The following KIAA1217 variants were observed in gnomAD, a reference collection of about 807,000 sequenced individuals.
KIAA1217 encodes the protein sickle tail protein homolog.
A neutral mutation model predicts 163.9 loss-of-function variants in KIAA1217; 88 were observed. The ratio of observed to expected loss-of-function variants is 0.54; its 90% CI spans 0.45 to 0.64. The LOEUF (loss-of-function observed/expected upper bound fraction) is 0.64. Among genes scored for constraint, KIAA1217 ranks in the 30% least tolerant of loss-of-function variants. The pLI is 0.00. For missense variants in KIAA1217, 2,372 were observed against 2,475.0 expected (o/e 0.96, Z 0.88); for synonymous variants, 903 against 923.1 (o/e 0.98, Z 0.39).
At chr10:23,717,760 G>C (rs1269709971) in intron 1 of KIAA1217, among the ~76,000 whole-genome samples, 2 of 152,122 alleles carry the variant, frequency 1.3e-5, no homozygotes, top group Non-Finnish European at 2.9e-5. Flanking sequence ...TTGGCAACAT[G>C]AGCCTCAGAC....
intron 2 of KIAA1217, among the ~76,000 whole-genome samples, chr10:24,318,512 A>G (rs1347803888): frequency 1.3e-5 from 2 of 152,098 alleles, no homozygotes; most frequent in Non-Finnish European, 2.9e-5. Context: ...TGGATTTGCC[A>G]TCCCCCACAA....
chr10:24,459,834 G>A (rs1305963531), intron 5 of KIAA1217, among the ~76,000 whole-genome samples: 1 of 152,202 alleles, frequency 6.6e-6, no homozygotes, highest in East Asian at 1.9e-4. Context: ...AGGAGGCTGA[G>A]GTGGGAGGAT....
chr10:23,798,298 A>C (rs1836303355), intron 1 of KIAA1217, among the ~76,000 whole-genome samples: 1 of 151,968 alleles, frequency 6.6e-6, no homozygotes, highest in Non-Finnish European at 1.5e-5. Flanking sequence ...GTCCATTTTA[A>C]ATCTTCTTCA....
intron 2 of KIAA1217, among the ~76,000 whole-genome samples, chr10:24,288,751 A>G (rs143337029): frequency 6.6e-6 from 1 of 152,348 alleles, no homozygotes; most frequent in Non-Finnish European, 1.5e-5. Context: ...TGTCCTGTGC[A>G]GAGTTTAATG....
intron 1 of KIAA1217, among the ~76,000 whole-genome samples, chr10:23,885,714 G>A (rs868545517): frequency 7.2e-5 from 11 of 151,884 alleles, no homozygotes; most frequent in Admixed American, 1.3e-4. Flanking sequence ...ACACACAGTT[G>A]AGCCAGGGAC....
intron 1 of KIAA1217, among the ~76,000 whole-genome samples, chr10:23,915,798 G>C (rs1842614652): frequency 1.3e-5 from 2 of 152,282 alleles, no homozygotes; most frequent in East Asian, 3.9e-4. Flanking sequence ...GAAAGTTTGG[G>C]CAGAGAGGAA....
At chr10:23,929,674 A>G (rs1427599090) in intron 1 of KIAA1217, among the ~76,000 whole-genome samples, 2 of 152,126 alleles carry the variant, frequency 1.3e-5, no homozygotes, top group Admixed American at 6.6e-5. Flanking sequence ...CGTAGTATCC[A>G]TGAGGTATAT....
chr10:23,852,827 G>T (rs903644126), intron 1 of KIAA1217, among the ~76,000 whole-genome samples: 7 of 152,096 alleles, frequency 4.6e-5, no homozygotes, highest in African/African-American at 7.2e-5. Flanking sequence ...GTCTGTTGCT[G>T]GTGTATAAGA....
chr10:24,524,544 T>G lies in KIAA1217; in HGVS notation c.2678T>G (p.Val893Gly), dbSNP rs2071795156. 1.2e-6 allele frequency: 2 copies of G among 1,613,982 alleles called. No homozygotes were observed. Among genetic ancestry groups the G allele is most frequent in the South Asian group, 1.1e-5 (1 of 91,082 alleles). The change falls in exon 13 of 21, where the codon GTC becomes GGC. Residue 893 changes from valine (V) to glycine (G), a missense_variant. By Grantham distance (109) the Val-to-Gly change is moderately radical. Around this residue, in one of 3 missense-constraint regions of KIAA1217, gnomAD observed 1,431 missense variants for 1,470.3 expected, o/e 0.97. Transcript: ENST00000376454. ...MVRHAQSSPV[V>G]IQPSQHSVAL... ...CGCCACGCGCAGAGCTCCCCTGTGGTCATCCAGCCCTCCCAGCACTCCGTG... is the reference window on the plus strand; with the variant it reads ...CGCCACGCGCAGAGCTCCCCTGTGGGCATCCAGCCCTCCCAGCACTCCGTG...
chr10:23,951,014 C>A (rs74124803), intron 1 of KIAA1217, among the ~76,000 whole-genome samples: 2,555 of 152,254 alleles, frequency 0.017, 76 homozygotes, highest in African/African-American at 0.056. Context: ...TGAGACACTG[C>A]CCTTCTCTTA....
chr10:23,881,044 T>TG (rs1025158999), intron 1 of KIAA1217, among the ~76,000 whole-genome samples: 1 of 151,064 alleles, frequency 6.6e-6, no homozygotes, highest in South Asian at 2.1e-4. Flanking sequence ...TATACTAGCC[T>TG]GGGGGGAAAG....
intron 1 of KIAA1217, among the ~76,000 whole-genome samples, chr10:23,791,243 T>C (rs1247909880): frequency 1.3e-5 from 2 of 152,186 alleles, no homozygotes; most frequent in Non-Finnish European, 2.9e-5. Flanking sequence ...AAACTTTGTA[T>C]AATGAAAAAT....
chr10:23,894,612 A>G lies in KIAA1217; in HGVS notation c.-320-112613A>G, dbSNP rs1202080846. On this transcript the variant is annotated intron_variant, in intron 1 of 18. Transcript: ENST00000376462. Reference sequence around the variant, plus strand: ...TGCCATCCCCATCAAGCTACCAATGACTTTCTTCACAGAATTGGAAAAATC... The same window carrying G: ...TGCCATCCCCATCAAGCTACCAATGGCTTTCTTCACAGAATTGGAAAAATC... Among the ~76,000 whole-genome samples, 3 of 150,566 alleles carry G rather than the reference A, an allele frequency of 2.0e-5. No homozygotes were observed. The East Asian group carries it at 5.8e-4, about 29-fold the overall frequency.
chr10:23,821,672 A>G (rs1210185459), intron 1 of KIAA1217, among the ~76,000 whole-genome samples: 1 of 152,228 alleles, frequency 6.6e-6, no homozygotes, highest in African/African-American at 2.4e-5. Context: ...GCTCCACAAC[A>G]AATACAAAAA....
At chr10:24,222,511 T>C (rs2069797196) in intron 2 of KIAA1217, among the ~76,000 whole-genome samples, 1 of 152,240 alleles carries the variant, frequency 6.6e-6, no homozygotes. Flanking sequence ...TTTTTGTTTT[T>C]TGAGATGGAG....
chr10:24,110,517 A>G (rs533578051), intron 2 of KIAA1217, among the ~76,000 whole-genome samples: 2 of 152,050 alleles, frequency 1.3e-5, no homozygotes, highest in East Asian at 3.9e-4. Context: ...AGAAAAATGT[A>G]TTCAGATTAA....
intron 1 of KIAA1217, among the ~76,000 whole-genome samples, chr10:23,887,050 G>A (rs1295490361): frequency 6.6e-6 from 1 of 151,674 alleles, no homozygotes; most frequent in Non-Finnish European, 1.5e-5. Context: ...TACTTAGTAG[G>A]GAAACAGAAT....
chr10:24,485,596 GCTTTTA>G (rs1198453342), intron 6 of KIAA1217, among the ~76,000 whole-genome samples: 3 of 152,162 alleles, frequency 2.0e-5, no homozygotes, highest in Non-Finnish European at 4.4e-5. Flanking sequence ...CAAGCCCTGT[GCTTTTA>G]CCACCATATC....
intron 1 of KIAA1217, among the ~76,000 whole-genome samples, chr10:23,883,384 A>C (rs1841036017): frequency 6.6e-6 from 1 of 151,968 alleles, no homozygotes; most frequent in African/African-American, 2.4e-5. Context: ...TGCTTAAAAA[A>C]AGGAAATGTA....
Sources: allele counts gnomAD v4.1 joint callset (sites outside exome capture counted in the v4.1 genomes callset), GRCh38; gene constraint gnomAD v4.1.1; regional missense constraint gnomAD v4.1.1; transcripts MANE v1.5; gene names NCBI Gene and HGNC (gene_info 2026-07-23, HGNC 2026-07-21).